ACBD6: variants seen among roughly 807,000 people sequenced by gnomAD.
The protein encoded by ACBD6 is acyl-CoA binding domain containing 6, also known as acyl-CoA-binding domain-containing protein 6.
ACBD6 carries 28 observed loss-of-function variants against 37.2 expected under a neutral mutation model. The ratio of observed to expected loss-of-function variants is 0.75; its 90% CI spans 0.56 to 1.03. The LOEUF (loss-of-function observed/expected upper bound fraction) is 1.03. Ranked by LOEUF, ACBD6 falls within the 50% of genes least tolerant of loss-of-function variation. The pLI, the probability that ACBD6 is intolerant of heterozygous loss-of-function variation, is 0.00. For missense variants in ACBD6, 340 were observed against 337.4 expected, an observed-to-expected ratio of 1.01 and a Z score of -0.06; for synonymous variants, 113 against 126.8, an observed-to-expected ratio of 0.89 and a Z score of 0.73.
intron 3 of ACBD6, among the ~76,000 whole-genome samples, chr1:180,476,021 T>C (rs1030634987): frequency 2.0e-5 from 3 of 152,208 alleles, no homozygotes; most frequent in African/African-American, 7.2e-5. Flanking sequence ...ACATTTATCA[T>C]GTCTAGGCAC....
chr1:180,493,241 C>G lies in ACBD6; in HGVS notation c.288-876G>C, dbSNP rs12751578. 7.5e-4 allele frequency among the ~76,000 whole-genome samples: 43 copies of G among 57,382 alleles called. No homozygotes were observed. The South Asian group carries it at 8.8e-3, about 12-fold the overall frequency. The allele number at this position is 57,382 out of a possible 152,430, so 37.6% of individuals were successfully genotyped here. A position where few individuals can be genotyped will look rare whatever the true frequency, so the allele number is the denominator to read the frequency against. On this transcript the variant is annotated intron_variant, in intron 2 of 7. Coordinates refer to ENST00000367595, the MANE Select transcript of ACBD6 (RefSeq NM_032360.4). ...CCAGCCTGGGCAACAGAGCAAAATTCTGTCTCAAAAAAAAAAAAAAAAAAA... is the reference window on the plus strand; with the variant it reads ...CCAGCCTGGGCAACAGAGCAAAATTGTGTCTCAAAAAAAAAAAAAAAAAAA...
intron 6 of ACBD6, among the ~76,000 whole-genome samples, chr1:180,386,628 C>T (rs1184439385): frequency 2.6e-5 from 4 of 152,060 alleles, no homozygotes; most frequent in Non-Finnish European, 2.9e-5. Context: ...ATCTACTTCT[C>T]TCTGTTATTC....
chr1:180,296,794 T>C (rs1475279945), intron 7 of ACBD6, among the ~76,000 whole-genome samples: 1 of 151,692 alleles, frequency 6.6e-6, no homozygotes. Context: ...AGGATTTTCA[T>C]AACTAGAAAG....
At chr1:180,354,057 C>T (rs1476202359) in intron 6 of ACBD6, among the ~76,000 whole-genome samples, 2 of 152,198 alleles carry the variant, frequency 1.3e-5, no homozygotes, top group Middle Eastern at 3.2e-3. Context: ...TTTCCCTATC[C>T]CCAATTCACC....
chr1:180,435,171 G>A (rs1430711853), intron 3 of ACBD6: 20 of 690,974 alleles, frequency 2.9e-5, no homozygotes, highest in Admixed American at 4.0e-5. Context: ...CCTGGGCTGC[G>A]ACACGGATTT....
intron 9 of ACBD6, among the ~76,000 whole-genome samples, chr1:180,281,093 A>G (rs1271723726): frequency 6.6e-6 from 1 of 152,172 alleles, no homozygotes. Context: ...ATGCTAACCT[A>G]GTAATAACTT....
chr1:180,352,358 C>T (rs955100517), intron 6 of ACBD6, among the ~76,000 whole-genome samples: 3 of 152,070 alleles, frequency 2.0e-5, no homozygotes, highest in Non-Finnish European at 2.9e-5. Context: ...ATCTTCCTGC[C>T]TTAGGCTCCT....
chr1:180,495,570 G>A (rs1339271663), intron 1 of ACBD6, 45 bp from the exon 2 acceptor site: 3 of 1,458,918 alleles, frequency 2.1e-6, no homozygotes, highest in African/African-American at 2.8e-5. Flanking sequence ...TCAAAGAAAT[G>A]TCTGGGAAAC....
chr1:180,273,925 C>T, intron 11 of ACBD6: 2 of 528,478 alleles, frequency 3.8e-6, no homozygotes, highest in Non-Finnish European at 6.8e-6. Flanking sequence ...CACAAGGGAC[C>T]AACGAGCTCA....
intron 6 of ACBD6, among the ~76,000 whole-genome samples, chr1:180,324,376 T>G (rs1435040860): frequency 6.6e-6 from 1 of 152,074 alleles, no homozygotes; most frequent in Non-Finnish European, 1.5e-5. Flanking sequence ...TATTTTTGTA[T>G]ATATGTTTTT....
In ACBD6 at chr1:180,502,208, C is replaced by G; in HGVS notation, c.59G>C (p.Ser20Thr). The G allele has an allele frequency of 6.2e-7, 1 of 1,614,008 alleles. No homozygotes were observed. The highest frequency in any genetic ancestry group is 8.5e-7 in the Non-Finnish European group (1 of 1,180,036). The change falls in exon 1 of 8, where the codon AGC becomes ACC. Residue 20 changes from serine to threonine, a missense_variant. Coordinates refer to ENST00000367595, the MANE Select transcript of ACBD6 (RefSeq NM_032360.4). ...AITGDSGGEL[S>T]SGDDSGEVEF... ...CACCTCCCCGGAGTCGTCCCCTGAG[C>G]TCAGCTCTCCACCGCTGTCGCCGGT...
intron 5 of ACBD6, among the ~76,000 whole-genome samples, chr1:180,402,975 GTA>G (rs1647442908): frequency 6.6e-6 from 1 of 152,060 alleles, no homozygotes; most frequent in African/African-American, 2.4e-5. Context: ...TAAGACAATG[GTA>G]TATTCACATG....
intron 6 of ACBD6, among the ~76,000 whole-genome samples, chr1:180,366,032 G>A (rs941067867): frequency 6.6e-6 from 1 of 151,942 alleles, no homozygotes; most frequent in Admixed American, 6.6e-5. Flanking sequence ...ATCATTAATT[G>A]GTTCTTATAA....
At chr1:180,365,733 T>C (rs1368371497) in intron 6 of ACBD6, among the ~76,000 whole-genome samples, 1 of 152,224 alleles carries the variant, frequency 6.6e-6, no homozygotes, top group Non-Finnish European at 1.5e-5. Flanking sequence ...TTTCTACTGA[T>C]GATATTTGTG....
chr1:180,271,662 T>C (rs1239295304), exon 14 of ACBD6: 19 of 1,379,110 alleles, frequency 1.4e-5, no homozygotes, highest in Non-Finnish European at 2.0e-5. Context: ...TTGCCAGAAC[T>C]GAAGACAGAG....
intron 3 of ACBD6, among the ~76,000 whole-genome samples, chr1:180,465,094 G>C (rs1401374251): frequency 6.6e-6 from 1 of 151,792 alleles, no homozygotes; most frequent in South Asian, 2.1e-4. Context: ...AGACAACCTC[G>C]GCAATGCCAT....
chr1:180,497,495 C>G (rs1360604141), intron 1 of ACBD6, among the ~76,000 whole-genome samples: 2 of 152,122 alleles, frequency 1.3e-5, no homozygotes, highest in East Asian at 3.8e-4. Flanking sequence ...TCCCTTTATA[C>G]TCTCAGAAAT....
At chr1:180,478,493 T>C (rs75247641) in intron 3 of ACBD6, among the ~76,000 whole-genome samples, 519 of 103,936 alleles carry the variant, frequency 5.0e-3, no homozygotes, top group Non-Finnish European at 9.0e-3. Context: ...AAATCTCTCT[T>C]TTTTTTTTTT....
At chr1:180,474,164 T>G (rs1016052550) in intron 3 of ACBD6, among the ~76,000 whole-genome samples, 1 of 152,210 alleles carries the variant, frequency 6.6e-6, no homozygotes, top group Non-Finnish European at 1.5e-5. Context: ...TTCATAATTC[T>G]GCTAATATTC....
Sources: allele counts gnomAD v4.1 joint callset (sites outside exome capture counted in the v4.1 genomes callset), GRCh38; gene constraint gnomAD v4.1.1; transcripts MANE v1.5; gene names NCBI Gene and HGNC (gene_info 2026-07-23, HGNC 2026-07-21).